The following FAM83H variants were observed in gnomAD, a reference collection of about 807,000 sequenced individuals.
The protein encoded by FAM83H is scaffolding CK1 anchoring protein H.
FAM83H carries 24 observed loss-of-function variants against 30.2 expected under a neutral mutation model. The ratio of observed to expected loss-of-function variants is 0.79; its 90% confidence interval spans 0.57 to 1.12. The LOEUF (loss-of-function observed/expected upper bound fraction) is 1.12. Among genes scored for constraint, FAM83H ranks in the 50% most tolerant of loss-of-function variants. FAM83H has a pLI of 0.00. For missense variants in FAM83H, 2,038 were observed against 1,773.9 expected, an observed-to-expected ratio of 1.15 and a Z score of -2.67; for synonymous variants, 1,013 against 821.7, an observed-to-expected ratio of 1.23 and a Z score of -3.98.
chr8:143,730,619 T>C (rs1209955484), intron 1 of FAM83H, 22 bp from the exon 2 acceptor site: 2 of 1,477,272 alleles, frequency 1.4e-6, no homozygotes, highest in South Asian at 1.3e-5. Context: ...GGGAGACACA[T>C]GACTAGGGGT....
Position 143,727,496 on chromosome 8 carries a change from C to G in FAM83H, c.1965G>C (p.Glu655Asp). The G allele has an allele frequency of 6.4e-7, 1 of 1,570,024 alleles. No individual in the cohort carries two copies. Among genetic ancestry groups the G allele is most frequent in the Non-Finnish European group, 8.6e-7 (1 of 1,165,512 alleles). ...PGSGGNGPEREGPEEPGLAKQ... is the reference protein window; with the variant it reads ...PGSGGNGPERDGPEEPGLAKQ... ...TGGCCAGGCCAGGCTCCTCCGGGCC[C>G]TCGCGCTCTGGGCCGTTGCCGCCGC... is the stretch of plus-strand genomic sequence containing the variant. The change falls in exon 5 of 5, where the codon GAG becomes GAC. Residue 655 changes from glutamate (E) to aspartate (D), a missense_variant. Glu to Asp is a conservative substitution (Grantham distance 45, BLOSUM62 2). Transcript: ENST00000388913.
chr8:143,731,972 G>A (rs1017897091), intron 1 of FAM83H: 16 of 985,444 alleles, frequency 1.6e-5, no homozygotes, highest in East Asian at 1.1e-4. Flanking sequence ...ACTGCTCCTC[G>A]GGTTGGGGAG....
Position 143,726,466 on chromosome 8 carries a change from G to T in FAM83H, c.2995C>A (p.Pro999Thr), listed in dbSNP as rs781784657. The change falls in exon 5 of 5, where the codon CCG becomes ACG. Residue 999 changes from proline to threonine, a missense_variant. Physicochemically the swap from Pro to Thr is conservative, Grantham distance 38 (BLOSUM62 -1). Transcript: ENST00000388913. ...VPQENGQPES[P>T]RRLSLGQGDS... ...CCCTGGCCCAGTGACAGACGCCGCG[G>T]GCTCTCGGGTTGGCCGTTCTCCTGC... is the stretch of plus-strand genomic sequence containing the variant. 3.7e-6 allele frequency: 6 copies of T among 1,603,388 alleles called. No homozygotes were observed. The African/African-American group carries it at 4.0e-5, about 11-fold the overall frequency.
At chr8:143,731,824 A>G in intron 1 of FAM83H, 1 of 985,422 alleles carries the variant, frequency 1.0e-6, no homozygotes, top group African/African-American at 1.7e-5. Context: ...TCTGTTCTCC[A>G]AAGGGTCCCT....
At position 143,730,432 on chromosome 8, in the gene FAM83H, C is replaced by T; in HGVS notation, c.151G>A (p.Gly51Arg). The change falls in exon 2 of 5, where the codon GGG becomes AGG. Residue 51 changes from glycine (G) to arginine (R), a missense_variant. Transcript: ENST00000388913. ...TCAGGGCACAGGAAGTCTGGTGCCC[C>T]CTCGGTAGCGAGGAAGCGGCTGTAG... ...EAYSRFLATE[G>R]APDFLCPEEL... 6.2e-7 allele frequency: 1 copy of T among 1,612,662 alleles called. No individual in the cohort carries two copies. The highest frequency in any genetic ancestry group is 8.5e-7 in the Non-Finnish European group (1 of 1,180,000).
In FAM83H at chr8:143,725,950, T is replaced by A. The variant is rs377085197; in HGVS notation, c.3511A>T (p.Ile1171Phe). The part of the protein sequence containing the change: ...DSKVGKFVPK[I>F]LGTFKSKK ...TTCTTGCTTTTGAACGTGCCCAGGA[T>A]CTTGGGCACGAACTTGCCCACCTTG... The change falls in exon 5 of 5, where the codon ATC (isoleucine) becomes TTC (phenylalanine). Residue 1171 changes from isoleucine (I) to phenylalanine (F), a missense_variant. Transcript: ENST00000388913. The A allele has an allele frequency of 5.3e-5, 85 of 1,612,864 alleles. No individual in the cohort carries two copies. The highest frequency in any genetic ancestry group is 6.4e-5 in the Non-Finnish European group (75 of 1,179,960).
chr8:143,732,755 A>G (rs1818573786), intron 1 of FAM83H: 1 of 984,916 alleles, frequency 1.0e-6, no homozygotes, highest in Middle Eastern at 5.2e-4. Context: ...CCCAAGATGG[A>G]GCACCCCAGT....
chr8:143,728,205 G>C lies in FAM83H; in HGVS notation c.1256C>G (p.Ala419Gly). The C allele has an allele frequency of 6.2e-7, 1 of 1,600,792 alleles. No homozygotes were observed. Among genetic ancestry groups the C allele is most frequent in the Non-Finnish European group, 8.5e-7 (1 of 1,177,386 alleles). The change falls in exon 5 of 5, where the codon GCC (alanine) becomes GGC (glycine). Residue 419 changes from alanine to glycine, a missense_variant. Coordinates refer to ENST00000388913, the MANE Select transcript of FAM83H (RefSeq NM_198488.5). ...RHSFATEGAG[A>G]VENFAAARQV... ...CCGCGCGGCCGCGAAGTTCTCCACG[G>C]CGCCCGCGCCCTCGGTCGCGAAGCT...
chr8:143,728,049 C>T lies in FAM83H; in HGVS notation c.1412G>A (p.Gly471Asp), dbSNP rs369438416. ...GCCCCCGCGAAGCTTCTCGAACAGG[C>T]CTTGCGGGCGCGCCGGCGTGAGCTG... Reference protein sequence around the residue: ...DPQLTPARPQGLFEKLRGGRA... With the variant: ...DPQLTPARPQDLFEKLRGGRA... Residue 471 changes from glycine (G) to aspartate (D), a missense_variant, in exon 5 of 5, where the codon GGC becomes GAC. Gly to Asp is a moderately conservative substitution (Grantham distance 94). Coordinates refer to ENST00000388913, the MANE Select transcript of FAM83H (RefSeq NM_198488.5). 25 of 1,609,286 alleles carry T rather than the reference C, an allele frequency of 1.6e-5. No individual in the cohort carries two copies. Among genetic ancestry groups the T allele is most frequent in the Admixed American group, 3.3e-5 (2 of 59,922 alleles).
In FAM83H at chr8:143,733,180, G is replaced by A. The variant is rs1818589768; in HGVS notation, c.-16+511C>T. The A allele has an allele frequency of 6.5e-6, 1 of 153,178 alleles. No homozygotes were observed. The highest frequency in any genetic ancestry group is 1.5e-5 in the Non-Finnish European group (1 of 68,196). The allele number at this position is 153,178 out of a possible 1,614,324, so 9.5% of individuals were successfully genotyped here. Reference sequence around the variant, plus strand: ...GGGTCAGTGCACCCTACGAGCTCGCGGCTGCGGCCGCTGGGTGCCCTATCC... The same window carrying A: ...GGGTCAGTGCACCCTACGAGCTCGCAGCTGCGGCCGCTGGGTGCCCTATCC... On this transcript the variant is annotated intron_variant, in intron 1 of 4. Coordinates refer to ENST00000388913, the MANE Select transcript of FAM83H (RefSeq NM_198488.5). The surrounding 1 kb of genome is among the most constrained non-coding windows in gnomAD (Gnocchi z 5.6).
rs782366592 is a variant in FAM83H, at chr8:143,730,291, C to G, written c.292G>C (p.Val98Leu). ...TCAGGCACGGCCTGGTCTGAGTTCA[C>G]TGGCCAGTATGTACCCGAGGAGCCA... ...MDGSSGTYWP[V>L]NSDQAVPELD... Residue 98 changes from valine to leucine, a missense_variant, in exon 2 of 5, where the codon GTG (valine) becomes CTG (leucine). Coordinates refer to ENST00000388913, the MANE Select transcript of FAM83H (RefSeq NM_198488.5). 1 of 1,613,542 alleles carries G rather than the reference C, an allele frequency of 6.2e-7. No homozygotes were observed. The highest frequency in any genetic ancestry group is 1.7e-5 in the Admixed American group (1 of 60,032).
chr8:143,729,229 A>G lies in FAM83H; in HGVS notation c.542T>C (p.Leu181Pro). Residue 181 changes from leucine to proline, a missense_variant, in exon 3 of 5, where the codon CTG (leucine) becomes CCG (proline). Transcript: ENST00000388913. ...AARRVPVYIL[L>P]DEMNAQHFLD... Reference sequence around the variant, plus strand: ...GAAGTGCTGCGCGTTCATCTCATCCAGCAGGATGTAGACTGGGACCCGACG... The same window carrying G: ...GAAGTGCTGCGCGTTCATCTCATCCGGCAGGATGTAGACTGGGACCCGACG... 1 of 1,613,548 alleles carries G rather than the reference A, an allele frequency of 6.2e-7. No homozygotes were observed. The highest frequency in any genetic ancestry group is 8.5e-7 in the Non-Finnish European group (1 of 1,180,008).
Position 143,726,988 on chromosome 8 carries a change from G to A in FAM83H, c.2473C>T (p.Arg825Trp), listed in dbSNP as rs1554622221. Residue 825 changes from arginine to tryptophan, a missense_variant, in exon 5 of 5, where the codon CGG becomes TGG. Arg to Trp is a moderately radical substitution (Grantham distance 101, BLOSUM62 -3). Transcript: ENST00000388913. ...GAAGGCAGGCGGTCGGAGCCGCTCC[G>A]GCCCAGTGTGTCGAGCAGCTGCGCC... The part of the protein sequence containing the change: ...TAAQLLDTLG[R>W]SGSDRLPSRF... 4 of 1,595,058 alleles carry A rather than the reference G, an allele frequency of 2.5e-6. No individual in the cohort carries two copies. The highest frequency in any genetic ancestry group is 1.1e-5 in the South Asian group (1 of 89,418).
In FAM83H at chr8:143,733,253, ACTCGCCCTG is replaced by A. The variant is rs1818592471; in HGVS notation, c.-16+429_-16+437del. ...GGGCGCGAGGGGCAGCACTCCCATCACTCGCCCTGCTCGCCACGCGGGGATCCAGGCCGC... is the reference window on the plus strand; with the variant it reads ...GGGCGCGAGGGGCAGCACTCCCATCACTCGCCACGCGGGGATCCAGGCCGC... On this transcript the variant is annotated intron_variant, in intron 1 of 4. Coordinates refer to ENST00000388913, the MANE Select transcript of FAM83H (RefSeq NM_198488.5). The surrounding 1 kb of genome is among the most constrained non-coding windows in gnomAD (Gnocchi z 5.6). The A allele has an allele frequency of 6.6e-6, 1 of 151,676 alleles. No individual in the cohort carries two copies. Among genetic ancestry groups the A allele is most frequent in the Non-Finnish European group, 1.5e-5 (1 of 68,052 alleles). The allele number at this position is 151,676 out of a possible 1,614,324, so 9.4% of individuals were successfully genotyped here. A position where few individuals can be genotyped will look rare whatever the true frequency, so the allele number is the denominator to read the frequency against.
chr8:143,728,417 G>T lies in FAM83H; in HGVS notation c.1044C>A (p.Arg348=). The T allele has an allele frequency of 1.3e-6, 2 of 1,548,310 alleles. No homozygotes were observed. The highest frequency in any genetic ancestry group is 1.4e-5 in the African/African-American group (1 of 73,108). ...LGFPSFLDPD[R]HFLSAFRREE... ...CCCGGCGGAAGGCCGACAGGAAGTG[G>T]CGGTCCGGGTCGAGGAAGGAGGGGA... Residue 348 remains arginine (R), a synonymous_variant, in exon 5 of 5, where the codon CGC becomes CGA. Coordinates refer to ENST00000388913, the MANE Select transcript of FAM83H (RefSeq NM_198488.5).
rs782732391 is a variant in FAM83H at position 143,728,137 on chromosome 8, G to A, written c.1324C>T (p.Arg442Cys). 3.1e-6 allele frequency: 5 copies of A among 1,609,784 alleles called. No individual in the cohort carries two copies. In the South Asian group the frequency reaches 4.4e-5, roughly 14 times the overall value. Residue 442 changes from arginine (R) to cysteine (C), a missense_variant, in exon 5 of 5, where the codon CGC becomes TGC. Transcript: ENST00000388913. ...QTFLSHGDDF[R>C]FQTSHFHRDQ... ...CGGTGGAAGTGGCTGGTCTGGAAGC[G>A]GAAGTCGTCGCCGTGGCTGAGGAAC... is the stretch of plus-strand genomic sequence containing the variant.
rs1174399334 is a variant in FAM83H, at chr8:143,733,717, C to A, written c.-42G>T. ...TGGCCAGGTGCGCGGGGTCTCGGCA[C>A]AGGGGCAGCAGGAGCCGACCGCCGC... On this transcript the variant is annotated 5_prime_UTR_variant, in exon 1 of 5. Transcript: ENST00000388913. This position sits in a 1 kb window ranked among gnomAD's most constrained non-coding sequence, Gnocchi z 5.6. 7 of 149,904 alleles carry A rather than the reference C, an allele frequency of 4.7e-5. No individual in the cohort carries two copies. The highest frequency in any genetic ancestry group is 8.9e-5 in the Non-Finnish European group (6 of 67,118). The allele number at this position is 149,904 out of a possible 1,614,324, so 9.3% of individuals were successfully genotyped here.
At position 143,726,853 on chromosome 8, in the gene FAM83H, T is replaced by C; in HGVS notation, c.2608A>G (p.Ser870Gly). Residue 870 changes from serine (S) to glycine (G), a missense_variant, in exon 5 of 5, where the codon AGC (serine) becomes GGC (glycine). By Grantham distance (56) the Ser-to-Gly change is moderately conservative (BLOSUM62 0). Transcript: ENST00000388913. ...HQVLHNESKG[S>G]PTSAYPERKG... ...CGCTCAGGGTAAGCCGAGGTGGGGC[T>C]CCCTTTTGACTCATTATGGAGCACC... is the stretch of plus-strand genomic sequence containing the variant. 5 of 1,612,938 alleles carry C rather than the reference T, an allele frequency of 3.1e-6. No homozygotes were observed. Among genetic ancestry groups the C allele is most frequent in the Non-Finnish European group, 4.2e-6 (5 of 1,179,928 alleles).
In FAM83H at chr8:143,728,595, G is replaced by A. The variant is rs907890265; in HGVS notation, c.866C>T (p.Ala289Val). 1.2e-6 allele frequency: 2 copies of A among 1,606,970 alleles called. No individual in the cohort carries two copies. Among genetic ancestry groups the A allele is most frequent in the Admixed American group, 1.7e-5 (1 of 59,240 alleles). The change falls in exon 5 of 5, where the codon GCG (alanine) becomes GTG (valine). Residue 289 changes from alanine (A) to valine (V), a missense_variant. Physicochemically the swap from Ala to Val is moderately conservative, Grantham distance 64. Transcript: ENST00000388913. ...ATAGGCGTCCATGCGGGCCAGGGCC[G>A]CGGCCGAGGGCACAAGCGGCTCGGA... ...AQSEPLVPSA[A>V]ALARMDAYAL...
Sources: gnomAD v4.1 joint callset for allele counts on GRCh38, gnomAD v4.1.1 for gene constraint, Gnocchi (gnomAD v3.1) non-coding constraint, MANE v1.5 for transcripts, NCBI Gene and HGNC (gene_info 2026-07-23, HGNC 2026-07-21) for gene names.